The following CAMK4 variants were observed in gnomAD, a reference collection of about 807,000 sequenced individuals.
CAMK4 encodes the protein calcium/calmodulin dependent protein kinase IV, also known as calcium/calmodulin-dependent protein kinase type IV.
In CAMK4, 22 loss-of-function variants were observed where a neutral mutation model predicts 44.9. The observed-to-expected ratio is 0.49, with a 90% confidence interval of 0.35 to 0.70. The LOEUF is 0.70. CAMK4 is among the 30% of genes least tolerant of loss of function. The probability of loss-of-function intolerance (pLI) is 0.01; values close to 1 mark genes in which losing one functional copy is unlikely to be tolerated. For missense variants in CAMK4, 498 were observed against 586.8 expected, an observed-to-expected ratio of 0.85 and a Z score of 1.56; for synonymous variants, 218 against 215.4, an observed-to-expected ratio of 1.01 and a Z score of -0.11.
At chr5:111,369,357 A>G (rs522829) in intron 2 of CAMK4, among the ~76,000 whole-genome samples, 133,414 of 152,086 alleles carry the variant, frequency 0.88, 58,745 homozygotes, top group East Asian at 1. Flanking sequence ...GAGCCACTAC[A>G]CCCAGCTGAT....
chr5:111,393,384 A>G (rs568555873), intron 4 of CAMK4, among the ~76,000 whole-genome samples: 2 of 152,330 alleles, frequency 1.3e-5, no homozygotes, highest in South Asian at 4.1e-4. Flanking sequence ...ATCAAGGTAT[A>G]GAATGAAATG....
chr5:111,352,920 C>G (rs1042204006), intron 2 of CAMK4, among the ~76,000 whole-genome samples: 7 of 151,958 alleles, frequency 4.6e-5, no homozygotes, highest in Admixed American at 2.6e-4. Flanking sequence ...ATAAAAATAT[C>G]TAGCTTTGCC....
intron 1 of CAMK4, among the ~76,000 whole-genome samples, chr5:111,273,761 A>C (rs1750641551): frequency 1.4e-5 from 2 of 143,776 alleles, no homozygotes; most frequent in Non-Finnish European, 1.5e-5. Context: ...ACACACATAC[A>C]CACACACATA....
chr5:111,447,629 T>G (rs1309626530), intron 6 of CAMK4, among the ~76,000 whole-genome samples: 1 of 152,194 alleles, frequency 6.6e-6, no homozygotes, highest in Non-Finnish European at 1.5e-5. Flanking sequence ...TAAACTTTAT[T>G]TTCGATGAAT....
chr5:111,348,224 A>G (rs1200512949), intron 2 of CAMK4, among the ~76,000 whole-genome samples: 1 of 152,044 alleles, frequency 6.6e-6, no homozygotes, highest in East Asian at 1.9e-4. Flanking sequence ...GCAATGAGAC[A>G]TATTTTTCCA....
intron 2 of CAMK4, among the ~76,000 whole-genome samples, chr5:111,344,721 A>G (rs1016995703): frequency 6.6e-6 from 1 of 151,696 alleles, no homozygotes; most frequent in African/African-American, 2.4e-5. Context: ...TTTGCCCTAC[A>G]CTCATAGATA....
intron 2 of CAMK4, among the ~76,000 whole-genome samples, chr5:111,356,757 G>A (rs941388973): frequency 2.6e-5 from 4 of 152,250 alleles, no homozygotes; most frequent in Middle Eastern, 3.4e-3. Flanking sequence ...TTATTAAATA[G>A]GGAATCCTTT....
intron 7 of CAMK4, among the ~76,000 whole-genome samples, chr5:111,458,324 C>G (rs778607551): frequency 1.3e-5 from 2 of 152,156 alleles, no homozygotes; most frequent in Non-Finnish European, 2.9e-5. Context: ...TGGGCATGAG[C>G]TTAGTTTAAG....
intron 1 of CAMK4, among the ~76,000 whole-genome samples, chr5:111,336,868 G>A (rs957525432): frequency 6.6e-6 from 1 of 150,558 alleles, no homozygotes; most frequent in African/African-American, 2.4e-5. Context: ...AATGAACATA[G>A]AATGGGTTGA....
chr5:111,373,548 T>C (rs2112820266), intron 2 of CAMK4, among the ~76,000 whole-genome samples: 1 of 152,276 alleles, frequency 6.6e-6, no homozygotes, highest in East Asian at 1.9e-4. Context: ...AGAATGAAAA[T>C]TAAATGACTG....
Position 111,406,973 on chromosome 5 carries a change from T to G in CAMK4, c.459+12191T>G, listed in dbSNP as rs528109913. Among the ~76,000 whole-genome samples the G allele has an allele frequency of 9.8e-5, 15 of 152,346 alleles. No homozygotes were observed. In the East Asian group the frequency reaches 1.5e-3, roughly 16 times the overall value. On this transcript the variant is annotated intron_variant, in intron 5 of 10. Transcript: ENST00000282356. ...TCTGTTAGGTTTCAGTTGATTTAATTCTCAGAATCATAGGCTTTTAAGTAG... is the reference window on the plus strand; with the variant it reads ...TCTGTTAGGTTTCAGTTGATTTAATGCTCAGAATCATAGGCTTTTAAGTAG...
chr5:111,301,397 C>T (rs1366409777), intron 1 of CAMK4, among the ~76,000 whole-genome samples: 2 of 152,160 alleles, frequency 1.3e-5, no homozygotes, highest in African/African-American at 4.8e-5. Flanking sequence ...GTGATAACTG[C>T]TGACTTGCTC....
chr5:111,407,707 C>A (rs946127525), intron 5 of CAMK4, among the ~76,000 whole-genome samples: 6 of 152,160 alleles, frequency 3.9e-5, no homozygotes, highest in Admixed American at 2.6e-4. Context: ...AAGCTGAAAT[C>A]ATGAACAAGG....
At position 111,324,720 on chromosome 5, in the gene CAMK4, G is replaced by C. The variant is rs188155125; in HGVS notation, c.162-19304G>C. 5.1e-4 allele frequency among the ~76,000 whole-genome samples: 77 copies of C among 152,086 alleles called. 1 individual carries two copies. In the East Asian group the frequency reaches 8.7e-3, roughly 17 times the overall value. On this transcript the variant is annotated intron_variant, in intron 1 of 10. Transcript: ENST00000282356. ...CTTAATTGACACTTACAGAACATCAGATTAAATAACTGCAAAATATATTCC... is the reference window on the plus strand; with the variant it reads ...CTTAATTGACACTTACAGAACATCACATTAAATAACTGCAAAATATATTCC...
At chr5:111,360,484 A>C (rs577741729) in intron 2 of CAMK4, among the ~76,000 whole-genome samples, 12 of 152,188 alleles carry the variant, frequency 7.9e-5, no homozygotes, top group African/African-American at 2.9e-4. Context: ...CAGAGACCAA[A>C]CCAGTCCAGG....
chr5:111,225,386 G>A (rs546767248), intron 1 of CAMK4, among the ~76,000 whole-genome samples: 1 of 152,276 alleles, frequency 6.6e-6, no homozygotes, highest in East Asian at 1.9e-4. Flanking sequence ...ACAGGTAGCA[G>A]TTTGGCCTTC....
At chr5:111,229,355 C>G (rs1748352059) in intron 1 of CAMK4, among the ~76,000 whole-genome samples, 2 of 152,194 alleles carry the variant, frequency 1.3e-5, no homozygotes, top group South Asian at 4.1e-4. Flanking sequence ...AAACCAAGCT[C>G]TCTGGTGCCT....
At chr5:111,422,358 T>C (rs1299759824) in intron 5 of CAMK4, among the ~76,000 whole-genome samples, 1 of 152,170 alleles carries the variant, frequency 6.6e-6, no homozygotes, top group Non-Finnish European at 1.5e-5. Flanking sequence ...AAATAGTATT[T>C]CCCCATGTCA....
intron 1 of CAMK4, among the ~76,000 whole-genome samples, chr5:111,293,742 CTT>C (rs35117453): frequency 3.1e-4 from 26 of 83,512 alleles, no homozygotes; most frequent in East Asian, 2.6e-3. Context: ...TGCTGCTCTA[CTT>C]TTTTTTTTTT....
Sources: gnomAD v4.1 joint callset for allele counts (sites outside exome capture counted in the v4.1 genomes callset) on GRCh38, gnomAD v4.1.1 for gene constraint, MANE v1.5 for transcripts, NCBI Gene and HGNC (gene_info 2026-07-23, HGNC 2026-07-21) for gene names.